The following SNTB1 variants were observed in gnomAD, a reference collection of about 807,000 sequenced individuals.
SNTB1 encodes syntrophin beta 1.
A neutral mutation model predicts 48.9 loss-of-function variants in SNTB1; 36 were observed. The ratio of observed to expected loss-of-function variants is 0.74; its 90% CI spans 0.56 to 0.97. The LOEUF is 0.97. SNTB1 is among the 50% of genes least tolerant of loss of function. SNTB1 has a pLI of 0.00. For missense variants in SNTB1, 786 were observed against 703.4 expected (o/e 1.12, Z -1.33); for synonymous variants, 299 against 294.6 (o/e 1.01, Z -0.15).
intron 2 of SNTB1, among the ~76,000 whole-genome samples, chr8:120,683,042 T>C (rs373177449): frequency 3.4e-4 from 51 of 151,974 alleles, no homozygotes; most frequent in African/African-American, 9.4e-4. Context: ...CCACTGCGCC[T>C]GGCTAATTTT....
At chr8:120,789,816 G>T (rs1274419409) in intron 1 of SNTB1, among the ~76,000 whole-genome samples, 1 of 151,948 alleles carries the variant, frequency 6.6e-6, no homozygotes, top group Non-Finnish European at 1.5e-5. Context: ...ATTCAAAGGA[G>T]AATTGGTACC....
At position 120,632,529 on chromosome 8, in the gene SNTB1, A is replaced by G; in HGVS notation, c.911T>C (p.Val304Ala). 1 of 1,613,964 alleles carries G rather than the reference A, an allele frequency of 6.2e-7. No individual in the cohort carries two copies. Among genetic ancestry groups the G allele is most frequent in the Non-Finnish European group, 8.5e-7 (1 of 1,180,000 alleles). ...HSNVNDLLTR[V>A]IAEVREQLGK... ...CAGCTGCTCTCTGACCTCAGCAATC[A>G]CTCGGGTCAGCAGGTCATTAACGTT... Residue 304 changes from valine to alanine, a missense_variant, in exon 3 of 7, where the codon GTG becomes GCG. Coordinates refer to ENST00000517992, the MANE Select transcript of SNTB1 (RefSeq NM_021021.4).
At chr8:120,735,057 A>C (rs1249003594) in intron 1 of SNTB1, among the ~76,000 whole-genome samples, 3 of 152,228 alleles carry the variant, frequency 2.0e-5, no homozygotes, top group African/African-American at 7.2e-5. Context: ...AGAGAATACA[A>C]GTCTGTACAT....
At chr8:120,744,384 C>T (rs1819090975) in intron 1 of SNTB1, among the ~76,000 whole-genome samples, 3 of 152,110 alleles carry the variant, frequency 2.0e-5, no homozygotes, top group Admixed American at 1.3e-4. Context: ...TACAAAGATT[C>T]CTTGAGCTAC....
At chr8:120,743,001 G>A (rs2130010108) in intron 1 of SNTB1, among the ~76,000 whole-genome samples, 1 of 152,320 alleles carries the variant, frequency 6.6e-6, no homozygotes, top group Admixed American at 6.5e-5. Flanking sequence ...AGACTTTCAA[G>A]TGTGCAGAAG....
chr8:120,672,706 T>TTCAGTGTAA (rs1817777863), intron 2 of SNTB1, among the ~76,000 whole-genome samples: 1 of 152,200 alleles, frequency 6.6e-6, no homozygotes, highest in Admixed American at 6.5e-5. Flanking sequence ...ATTCAATCCA[T>TTCAGTGTAA]TCAGTGTAAT....
At chr8:120,792,060 G>T (rs1373083628) in intron 1 of SNTB1, among the ~76,000 whole-genome samples, 1 of 151,260 alleles carries the variant, frequency 6.6e-6, no homozygotes, top group Non-Finnish European at 1.5e-5. Flanking sequence ...CTCATCAACC[G>T]ATGAGTGGGT....
intron 2 of SNTB1, among the ~76,000 whole-genome samples, chr8:120,642,253 G>A (rs989781866): frequency 3.9e-5 from 6 of 152,210 alleles, no homozygotes; most frequent in African/African-American, 1.4e-4. Context: ...AAAAGACATA[G>A]AGCAGAGAGG....
intron 1 of SNTB1, among the ~76,000 whole-genome samples, chr8:120,739,566 T>C (rs908751258): frequency 2.6e-5 from 4 of 152,186 alleles, no homozygotes; most frequent in African/African-American, 7.2e-5. Flanking sequence ...GGAATTCGAA[T>C]GAACTGTCAT....
At chr8:120,785,123 C>G (rs1172788239) in intron 1 of SNTB1, among the ~76,000 whole-genome samples, 1 of 152,222 alleles carries the variant, frequency 6.6e-6, no homozygotes, top group Non-Finnish European at 1.5e-5. Flanking sequence ...TCAGCTAATT[C>G]AGGCAGTGGT....
chr8:120,705,901 A>G (rs1818370654), intron 1 of SNTB1, among the ~76,000 whole-genome samples: 1 of 152,168 alleles, frequency 6.6e-6, no homozygotes, highest in South Asian at 2.1e-4. Flanking sequence ...TAGGCAATAC[A>G]ATGTAGTGGT....
intron 1 of SNTB1, among the ~76,000 whole-genome samples, chr8:120,799,200 G>C (rs981345351): frequency 6.6e-6 from 1 of 151,994 alleles, no homozygotes; most frequent in African/African-American, 2.4e-5. Flanking sequence ...TTTACTGCCA[G>C]TGTTTTCTAG....
In SNTB1 at chr8:120,811,322, G is replaced by C. The variant is rs758971490; in HGVS notation, c.522C>G (p.Asp174Glu). The stretch of plus-strand genomic sequence containing the variant: ...CGCGCTTCAACGCCTGCACCGCCTC[G>C]TCGTGGGTGGCGTCCCGCAGGTCGG... ...NGADLRDATH[D>E]EAVQALKRAG... Residue 174 changes from aspartate to glutamate, a missense_variant, in exon 1 of 7, where the codon GAC becomes GAG. Coordinates refer to ENST00000517992, the MANE Select transcript of SNTB1 (RefSeq NM_021021.4). 3.1e-6 allele frequency: 5 copies of C among 1,610,870 alleles called. No homozygotes were observed. In the African/African-American group the frequency reaches 5.3e-5, roughly 17 times the overall value.
chr8:120,689,020 G>A (rs1349057234), intron 2 of SNTB1, among the ~76,000 whole-genome samples: 3 of 152,104 alleles, frequency 2.0e-5, no homozygotes, highest in African/African-American at 7.2e-5. Context: ...AGCTGAATAT[G>A]AAAAACAAGA....
intron 1 of SNTB1, among the ~76,000 whole-genome samples, chr8:120,776,085 TG>T (rs1819731587): frequency 6.6e-6 from 1 of 152,212 alleles, no homozygotes; most frequent in Non-Finnish European, 1.5e-5. Flanking sequence ...ATCCCATTAC[TG>T]GGTATATACC....
chr8:120,592,576 T>C (rs1378429972), intron 3 of SNTB1, among the ~76,000 whole-genome samples: 2 of 152,200 alleles, frequency 1.3e-5, no homozygotes, highest in Admixed American at 6.5e-5. Flanking sequence ...TAAATATTTG[T>C]TAAGCACATG....
At chr8:120,587,764 C>A (rs1816172762) in intron 3 of SNTB1, among the ~76,000 whole-genome samples, 1 of 152,168 alleles carries the variant, frequency 6.6e-6, no homozygotes, top group South Asian at 2.1e-4. Context: ...TGTGAGCGGT[C>A]CATACTCAGC....
At chr8:120,608,708 G>A (rs1395910506) in intron 3 of SNTB1, among the ~76,000 whole-genome samples, 6 of 152,224 alleles carry the variant, frequency 3.9e-5, no homozygotes, top group Admixed American at 2.6e-4. Flanking sequence ...GGATAGAGAC[G>A]ACACTAGAAA....
chr8:120,556,128 C>T (rs1472372696), intron 4 of SNTB1, among the ~76,000 whole-genome samples: 2 of 152,174 alleles, frequency 1.3e-5, no homozygotes, highest in African/African-American at 2.4e-5. Context: ...CTCAAGGAGA[C>T]ACAGCTTAAA....
Sources: gnomAD v4.1 joint callset for allele counts (sites outside exome capture counted in the v4.1 genomes callset) on GRCh38, gnomAD v4.1.1 for gene constraint, MANE v1.5 for transcripts, NCBI Gene and HGNC (gene_info 2026-07-23, HGNC 2026-07-21) for gene names.